The following DNAH12 variants were observed in gnomAD, a reference collection of about 807,000 sequenced individuals.
DNAH12 encodes axonemal beta dynein heavy chain 12.
A neutral mutation model predicts 371.5 loss-of-function variants in DNAH12; 285 were observed. The ratio of observed to expected loss-of-function variants is 0.77; its 90% CI spans 0.70 to 0.85. DNAH12 has a LOEUF of 0.85. DNAH12 is among the 40% of genes least tolerant of loss of function. The probability of loss-of-function intolerance (pLI) is 0.00; values close to 1 mark genes in which losing one functional copy is unlikely to be tolerated. For synonymous variants in DNAH12, 1,200 were observed against 1,213.0 expected (o/e 0.99, Z 0.22); for missense variants, 3,611 against 3,689.4 (o/e 0.98, Z 0.55).
chr3:57,516,129 T>C lies in DNAH12; in HGVS notation c.280-5150A>G, dbSNP rs551645833. ...CCCAGGCTGGAGTGCAATGGCATGATCTTGACTCACTGAAACCTCCACCTC... is the reference window on the plus strand; with the variant it reads ...CCCAGGCTGGAGTGCAATGGCATGACCTTGACTCACTGAAACCTCCACCTC... On this transcript the variant is annotated intron_variant, in intron 4 of 73. Transcript: ENST00000495027. Among the ~76,000 whole-genome samples the C allele has an allele frequency of 3.6e-5, 5 of 140,314 alleles. No individual in the cohort carries two copies. The South Asian group carries it at 7.0e-4, about 20-fold the overall frequency. 92.1% of individuals were successfully genotyped at this position (140,314 alleles called of 152,430 possible).
chr3:57,430,269 A>G (rs2064916714), intron 32 of DNAH12, among the ~76,000 whole-genome samples: 1 of 152,238 alleles, frequency 6.6e-6, no homozygotes, highest in South Asian at 2.1e-4. Flanking sequence ...CATTATAGAC[A>G]TCACATCATG....
Position 57,542,043 on chromosome 3 carries a change from C to T in DNAH12, c.170+658G>A, listed in dbSNP as rs999173427. Among the ~76,000 whole-genome samples the T allele has an allele frequency of 7.9e-5, 12 of 151,268 alleles. 1 individual carries two copies. The South Asian group carries it at 1.0e-3, about 13-fold the overall frequency. On this transcript the variant is annotated intron_variant, in intron 2 of 73. Transcript: ENST00000495027. ...TTTTCTTTTTATTTATCCCTAGAAA[C>T]CAGCAGAATCGGCTGTCTAGGAAAT...
chr3:57,546,423 C>G (rs1319947032), upstream of DNAH12, among the ~76,000 whole-genome samples: 2 of 152,146 alleles, frequency 1.3e-5, no homozygotes, highest in African/African-American at 4.8e-5. Flanking sequence ...CTCACTGCAT[C>G]CTCAAACTCC....
intron 29 of DNAH12, 129 bp from the exon 30 acceptor site, chr3:57,437,189 TTTA>T (rs2065156288): frequency 3.0e-6 from 2 of 665,154 alleles, no homozygotes; most frequent in South Asian, 4.2e-5. Flanking sequence ...TTCTTAAAAC[TTTA>T]TTATTTTTTC....
Position 57,403,174 on chromosome 3 carries a change from A to G in DNAH12, c.6948+135T>C, listed in dbSNP as rs1468815056. 1.0e-5 allele frequency: 9 copies of G among 859,882 alleles called. No homozygotes were observed. In the East Asian group the frequency reaches 2.3e-4, roughly 22 times the overall value. 53.3% of individuals were successfully genotyped at this position (859,882 alleles called of 1,614,324 possible). On this transcript the variant is annotated intron_variant, in intron 43 of 73. Coordinates refer to ENST00000495027, the MANE Select transcript of DNAH12 (RefSeq NM_001366028.2). ...CAGGACAGAACTCAACACACACAGT[A>G]GATGCTCTATGGACAGTATTAGCAT...
At chr3:57,515,708 G>GA (rs1384501637) in intron 4 of DNAH12, among the ~76,000 whole-genome samples, 7 of 151,706 alleles carry the variant, frequency 4.6e-5, no homozygotes, top group African/African-American at 1.7e-4. Context: ...AATAAGCGAA[G>GA]AAAAATATTA....
chr3:57,379,447 T>C (rs1398485677), intron 51 of DNAH12, 149 bp from the exon 52 acceptor site: 1 of 152,262 alleles, frequency 6.6e-6, no homozygotes, highest in South Asian at 2.1e-4. Context: ...AATTTAAAAA[T>C]AAGCATAATT....
At chr3:57,410,332 G>A (rs2064161201) in intron 39 of DNAH12, among the ~76,000 whole-genome samples, 1 of 151,928 alleles carries the variant, frequency 6.6e-6, no homozygotes, top group Non-Finnish European at 1.5e-5. Flanking sequence ...CTGGTATGGT[G>A]ATCTGCGATC....
rs1327848341 is a variant in DNAH12 at position 57,544,201 on chromosome 3, TTG to T, written c.-40_-39del. On this transcript the variant is annotated 5_prime_UTR_variant, in exon 1 of 74. Transcript: ENST00000495027. ...AGAACAGCAGAGAACAAGTACCTGA[TTG>T]TTTCTCACTACTTCCCCGCTGCGCA... 6.6e-6 allele frequency: 1 copy of T among 152,244 alleles called. No homozygotes were observed. The highest frequency in any genetic ancestry group is 2.4e-5 in the African/African-American group (1 of 41,464). 9.4% of individuals were successfully genotyped at this position (152,244 alleles called of 1,614,324 possible).
chr3:57,487,181 A>G (rs2153384687), intron 12 of DNAH12, among the ~76,000 whole-genome samples: 1 of 152,006 alleles, frequency 6.6e-6, no homozygotes, highest in Admixed American at 6.6e-5. Flanking sequence ...CACACCTGTA[A>G]TCCCAACACT....
intron 30 of DNAH12, among the ~76,000 whole-genome samples, chr3:57,435,621 T>C (rs1271526118): frequency 6.6e-6 from 1 of 151,902 alleles, no homozygotes; most frequent in Non-Finnish European, 1.5e-5. Flanking sequence ...CCAAAAAAAC[T>C]GTGAGTCTAG....
chr3:57,459,803 C>T lies in DNAH12; in HGVS notation c.2737-17G>A. On this transcript the variant is annotated splice_polypyrimidine_tract_variant and intron_variant, in intron 19 of 73. Coordinates refer to ENST00000495027, the MANE Select transcript of DNAH12 (RefSeq NM_001366028.2). ...CTCCCAGGCCTTAATGAAAAGTATA[C>T]TGCACTAAATTCTAGTTATTAAAGA... 7.3e-7 allele frequency: 1 copy of T among 1,375,980 alleles called. No homozygotes were observed. Among genetic ancestry groups the T allele is most frequent in the Non-Finnish European group, 9.5e-7 (1 of 1,050,604 alleles). 85.2% of individuals were successfully genotyped at this position (1,375,980 alleles called of 1,614,324 possible). A position where few individuals can be genotyped will look rare whatever the true frequency, so the allele number is the denominator to read the frequency against.
At chr3:57,391,737 G>A (rs1385695239) in intron 45 of DNAH12, 135 bp downstream of exon 45, 1 of 152,162 alleles carries the variant, frequency 6.6e-6, no homozygotes, top group Non-Finnish European at 1.5e-5. Flanking sequence ...CTCTGGTGCT[G>A]AACATTATGC....
upstream of DNAH12, among the ~76,000 whole-genome samples, chr3:57,544,712 T>C (rs1343690074): frequency 3.9e-5 from 6 of 152,220 alleles, no homozygotes; most frequent in Admixed American, 3.9e-4. Flanking sequence ...CAATATAATT[T>C]ATCTTGCTTC....
Position 57,335,089 on chromosome 3 carries a change from A to T in DNAH12, c.9675-149T>A, listed in dbSNP as rs566600578. On this transcript the variant is annotated intron_variant, in intron 60 of 73. Coordinates refer to ENST00000495027, the MANE Select transcript of DNAH12 (RefSeq NM_001366028.2). Reference sequence around the variant, plus strand: ...TAGAAAACTGGACAAAATTAATGAAACAACTGTTTTTTTGAAATTGTTCAA... The same window carrying T: ...TAGAAAACTGGACAAAATTAATGAATCAACTGTTTTTTTGAAATTGTTCAA... 4 of 869,070 alleles carry T rather than the reference A, an allele frequency of 4.6e-6. No homozygotes were observed. In the South Asian group the frequency reaches 8.1e-5, roughly 18 times the overall value. 53.8% of individuals were successfully genotyped at this position (869,070 alleles called of 1,614,324 possible). A position where few individuals can be genotyped will look rare whatever the true frequency, so the allele number is the denominator to read the frequency against.
chr3:57,315,307 A>G (rs2061662605), intron 65 of DNAH12, among the ~76,000 whole-genome samples: 2 of 151,862 alleles, frequency 1.3e-5, no homozygotes, highest in South Asian at 2.1e-4. Flanking sequence ...ATTTTCATAT[A>G]ATGCAGTAGT....
At position 57,334,564 on chromosome 3, in the gene DNAH12, G is replaced by A; in HGVS notation, c.9879C>T (p.Asp3293=). ...EHIYEWREIY[D]SKEPHNAKFP... ...ATTTAGCATTATGTGGCTCTTTACTGTCATAGATTTCTCGCCATTCATATA... is the reference window on the plus strand; with the variant it reads ...ATTTAGCATTATGTGGCTCTTTACTATCATAGATTTCTCGCCATTCATATA... Residue 3293 remains aspartate (D), a synonymous_variant, in exon 62 of 74, where the codon GAC becomes GAT. Transcript: ENST00000495027. 6.5e-7 allele frequency: 1 copy of A among 1,550,244 alleles called. No homozygotes were observed. Among genetic ancestry groups the A allele is most frequent in the Non-Finnish European group, 8.7e-7 (1 of 1,146,772 alleles).
At chr3:57,470,896 G>A (rs941676124) in intron 15 of DNAH12, among the ~76,000 whole-genome samples, 10 of 152,058 alleles carry the variant, frequency 6.6e-5, no homozygotes, top group Admixed American at 3.9e-4. Context: ...TAGTAGAGAC[G>A]GGGTTTTGCC....
chr3:57,458,137 A>G lies in DNAH12; in HGVS notation c.3015T>C (p.Leu1005=). The G allele has an allele frequency of 6.5e-7, 1 of 1,550,348 alleles. No homozygotes were observed. The highest frequency in any genetic ancestry group is 8.7e-7 in the Non-Finnish European group (1 of 1,146,670). ...NELLEKIMKG[L]NAYLEKKRLF... ...GACGTTTCTTTTCAAGATATGCGTT[A>G]AGACCTTTCATAATTTTCTCCAAAA... Residue 1005 remains leucine, a synonymous_variant, in exon 21 of 74, where the codon CTT becomes CTC. Coordinates refer to ENST00000495027, the MANE Select transcript of DNAH12 (RefSeq NM_001366028.2).
Sources: allele counts gnomAD v4.1 joint callset (sites outside exome capture counted in the v4.1 genomes callset), GRCh38; gene constraint gnomAD v4.1.1; transcripts MANE v1.5; gene names NCBI Gene and HGNC (gene_info 2026-07-23, HGNC 2026-07-21).